The following CACNA2D1 variants were observed in gnomAD, a reference collection of about 807,000 sequenced individuals.
CACNA2D1 encodes the protein voltage-dependent calcium channel subunit alpha-2/delta-1.
In CACNA2D1, 53 loss-of-function variants were observed where a neutral mutation model predicts 171.5. The observed-to-expected ratio is 0.31, with a 90% CI of 0.25 to 0.39. The LOEUF (loss-of-function observed/expected upper bound fraction) is 0.39, where lower values mean the gene tolerates loss of function less well. Ranked by LOEUF, CACNA2D1 falls within the 10% of genes least tolerant of loss-of-function variation. The pLI is 1.00. For missense variants in CACNA2D1, 903 were observed against 1,299.8 expected (o/e 0.69, Z 4.69); for synonymous variants, 442 against 443.1 (o/e 1.00, Z 0.03).
At chr7:82,343,275 G>A (rs1818886060) in intron 2 of CACNA2D1, 1 of 152,166 alleles carries the variant, frequency 6.6e-6, no homozygotes, top group Non-Finnish European at 1.5e-5. Flanking sequence ...GAAGAATGAA[G>A]TCACAATTGG....
chr7:82,053,572 C>G (rs1805470751), intron 10 of CACNA2D1, among the ~76,000 whole-genome samples: 1 of 151,992 alleles, frequency 6.6e-6, no homozygotes, highest in African/African-American at 2.4e-5. Context: ...GTAACCAAAA[C>G]TAATTAAGCC....
intron 4 of CACNA2D1, among the ~76,000 whole-genome samples, chr7:82,150,055 T>C (rs1314594311): frequency 6.6e-6 from 1 of 151,934 alleles, no homozygotes; most frequent in East Asian, 1.9e-4. Flanking sequence ...ACTATAGGCA[T>C]GCAGTGAGTG....
chr7:82,125,889 TATCTC>T (rs1790278775), intron 5 of CACNA2D1, among the ~76,000 whole-genome samples: 2 of 152,166 alleles, frequency 1.3e-5, no homozygotes, highest in Admixed American at 1.3e-4. Context: ...AAATGAAAAA[TATCTC>T]AATATAATGC....
At chr7:81,971,053 G>A in intron 26 of CACNA2D1, 1 of 291,990 alleles carries the variant, frequency 3.4e-6, no homozygotes, top group Non-Finnish European at 6.5e-6. Context: ...AGAGATGGCT[G>A]GTGTTTGGTA....
chr7:82,062,726 C>T, intron 9 of CACNA2D1, among the ~76,000 whole-genome samples: 1 of 98,652 alleles, frequency 1.0e-5, no homozygotes, highest in African/African-American at 4.0e-5. Flanking sequence ...TTAGGTATAT[C>T]TCCTTTTTTT....
intron 6 of CACNA2D1, among the ~76,000 whole-genome samples, chr7:82,092,540 C>CTTTTTTTTTTTTTTTTTT (rs71093360): frequency 2.9e-5 from 3 of 102,702 alleles, no homozygotes; most frequent in African/African-American, 9.0e-5. Flanking sequence ...GCCCAGCTAA[C>CTTTTTTTTTTTTTTTTTT]TTTTTTTTTT....
At chr7:82,177,068 A>ATTTTTTTTTTTTTTTTTTT (rs1181991934) in intron 3 of CACNA2D1, among the ~76,000 whole-genome samples, 1 of 55,230 alleles carries the variant, frequency 1.8e-5, no homozygotes, top group Non-Finnish European at 3.0e-5. Context: ...ACAGGTCTCT[A>ATTTTTTTTTTTTTTTTTTT]TTTTTTTTTT....
chr7:82,367,797 A>G (rs1412083291), intron 1 of CACNA2D1, among the ~76,000 whole-genome samples: 2 of 152,274 alleles, frequency 1.3e-5, no homozygotes, highest in Middle Eastern at 3.4e-3. Context: ...TTAATCCAAT[A>G]ATTTCTCTTT....
rs937926593 is a variant in CACNA2D1, at chr7:81,947,462, C to G, written c.*2930G>C. 2.0e-5 allele frequency: 3 copies of G among 151,758 alleles called. No homozygotes were observed. Among genetic ancestry groups the G allele is most frequent in the Non-Finnish European group, 4.4e-5 (3 of 67,838 alleles). 9.4% of individuals were successfully genotyped at this position (151,758 alleles called of 1,614,324 possible). A position where few individuals can be genotyped will look rare whatever the true frequency, so the allele number is the denominator to read the frequency against. The stretch of plus-strand genomic sequence containing the variant: ...TTGCTAACTATGTCATGTTAAAAAC[C>G]TGTTACAAATATGGACCACGGTTGG... On this transcript the variant is annotated 3_prime_UTR_variant, in exon 39 of 39. Transcript: ENST00000356860.
chr7:82,217,634 TCACACACACACA>T (rs71522607), intron 3 of CACNA2D1, among the ~76,000 whole-genome samples: 7 of 140,150 alleles, frequency 5.0e-5, no homozygotes, highest in African/African-American at 1.6e-4. Context: ...TGGCACAGTT[TCACACACACACA>T]CACACACACA....
At chr7:82,391,504 A>G (rs951058348) in intron 1 of CACNA2D1, among the ~76,000 whole-genome samples, 4 of 152,202 alleles carry the variant, frequency 2.6e-5, no homozygotes, top group African/African-American at 9.6e-5. Context: ...ATAAAAGGAT[A>G]CTGATGTTGT....
At chr7:81,994,314 G>A (rs746247844) in intron 20 of CACNA2D1, among the ~76,000 whole-genome samples, 10 of 152,012 alleles carry the variant, frequency 6.6e-5, no homozygotes, top group African/African-American at 9.7e-5. Flanking sequence ...AATTATTTGT[G>A]GGGGTAGTTG....
chr7:82,226,757 C>T (rs1248017334), intron 3 of CACNA2D1, among the ~76,000 whole-genome samples: 4 of 152,082 alleles, frequency 2.6e-5, no homozygotes, highest in Non-Finnish European at 5.9e-5. Flanking sequence ...AGTATCTTAG[C>T]GACTGTTTTT....
At chr7:82,369,193 C>G (rs1021768775) in intron 1 of CACNA2D1, among the ~76,000 whole-genome samples, 1 of 152,036 alleles carries the variant, frequency 6.6e-6, no homozygotes, top group African/African-American at 2.4e-5. Context: ...ATTTATCAAA[C>G]TCTCCATTAA....
chr7:82,411,043 C>T (rs959156786), intron 1 of CACNA2D1, among the ~76,000 whole-genome samples: 2 of 151,974 alleles, frequency 1.3e-5, no homozygotes, highest in East Asian at 3.9e-4. Context: ...TTTATATATT[C>T]TTTGAGAGAA....
intron 3 of CACNA2D1, among the ~76,000 whole-genome samples, chr7:82,291,113 T>C (rs1023989960): frequency 1.5e-5 from 2 of 133,364 alleles, no homozygotes; most frequent in Non-Finnish European, 3.3e-5. Flanking sequence ...CCCCATCCCC[T>C]ACTATCTGGG....
intron 3 of CACNA2D1, among the ~76,000 whole-genome samples, chr7:82,199,209 G>A (rs1253519279): frequency 6.6e-6 from 1 of 151,972 alleles, no homozygotes; most frequent in Non-Finnish European, 1.5e-5. Flanking sequence ...GCATTACTGA[G>A]TTAATTACAT....
chr7:81,967,787 T>A (rs2130376714), intron 29 of CACNA2D1, 124 bp from the exon 30 acceptor site: 1 of 599,628 alleles, frequency 1.7e-6, no homozygotes, highest in East Asian at 2.8e-5. Flanking sequence ...AGTTTTGTGT[T>A]CATTAAGAAA....
chr7:81,989,654 T>G (rs1171778880), intron 21 of CACNA2D1, among the ~76,000 whole-genome samples: 1 of 152,206 alleles, frequency 6.6e-6, no homozygotes, highest in Non-Finnish European at 1.5e-5. Context: ...TTAGGTGATA[T>G]GTCAGCTAGT....
Sources: allele counts gnomAD v4.1 joint callset (sites outside exome capture counted in the v4.1 genomes callset), GRCh38; gene constraint gnomAD v4.1.1; transcripts MANE v1.5; gene names NCBI Gene and HGNC (gene_info 2026-07-23, HGNC 2026-07-21).